Variants in HEMK1 observed in about 807,000 individuals in gnomAD.
HEMK1 encodes the protein MTRF1L release factor glutamine methyltransferase.
HEMK1 carries 36 observed loss-of-function variants against 47.9 expected under a neutral mutation model. That is an observed-to-expected ratio of 0.75 (90% CI 0.58 to 0.99). The LOEUF (loss-of-function observed/expected upper bound fraction) is 0.99, where lower values mean the gene tolerates loss of function less well. Ranked by LOEUF, HEMK1 falls within the 50% of genes least tolerant of loss-of-function variation. HEMK1 has a pLI of 0.00. For missense variants in HEMK1, 383 were observed against 434.5 expected, an observed-to-expected ratio of 0.88 and a Z score of 1.05; for synonymous variants, 153 against 165.4, an observed-to-expected ratio of 0.93 and a Z score of 0.57.
At chr3:50,576,564 C>T (rs1441160080) in intron 4 of HEMK1, among the ~76,000 whole-genome samples, 1 of 152,206 alleles carries the variant, frequency 6.6e-6, no homozygotes, top group African/African-American at 2.4e-5. Context: ...CCACCATGCC[C>T]ATGCCTGGCA....
Position 50,591,382 on chromosome 3 carries a change from C to A in HEMK1, c.*10965C>A, listed in dbSNP as rs2031713462. On this transcript the variant is annotated 3_prime_UTR_variant, in exon 11 of 11. Transcript: ENST00000232854. Reference sequence around the variant, plus strand: ...CAGGCCCCTCATGAGTAGCTGGGTCCTTACGATTTTTCTGGTCAGCAGTGG... The same window carrying A: ...CAGGCCCCTCATGAGTAGCTGGGTCATTACGATTTTTCTGGTCAGCAGTGG... The A allele has an allele frequency of 6.6e-6, 1 of 152,346 alleles. No homozygotes were observed. Among genetic ancestry groups the A allele is most frequent in the South Asian group, 2.1e-4 (1 of 4,840 alleles). The allele number at this position is 152,346 out of a possible 1,614,324, so 9.4% of individuals were successfully genotyped here.
Position 50,588,335 on chromosome 3 carries a change from A to T in HEMK1, c.*7918A>T, listed in dbSNP as rs2031516012. On this transcript the variant is annotated 3_prime_UTR_variant, in exon 11 of 11. Transcript: ENST00000232854. ...TGAGGCTTAACATGCCCAAGGTCAC[A>T]CAGCCAGCAGCTGGCCATGCTGGAG... 1 of 152,226 alleles carries T rather than the reference A, an allele frequency of 6.6e-6. No homozygotes were observed. The highest frequency in any genetic ancestry group is 6.5e-5 in the Admixed American group (1 of 15,282). 9.4% of individuals were successfully genotyped at this position (152,226 alleles called of 1,614,324 possible).
At position 50,588,461 on chromosome 3, in the gene HEMK1, G is replaced by GC. The variant is rs2031526343; in HGVS notation, c.*8046dup. The GC allele has an allele frequency of 6.6e-6, 1 of 152,278 alleles. No homozygotes were observed. The highest frequency in any genetic ancestry group is 6.5e-5 in the Admixed American group (1 of 15,280). 9.4% of individuals were successfully genotyped at this position (152,278 alleles called of 1,614,324 possible). On this transcript the variant is annotated 3_prime_UTR_variant, in exon 11 of 11. Coordinates refer to ENST00000232854, the MANE Select transcript of HEMK1 (RefSeq NM_016173.5). ...TCAACCCCCCAGAGGGGCCTCAGGA[G>GC]CCAGTTAGGTGCCCCACAGCCAACG...
Position 50,595,426 on chromosome 3 carries a change from GGT to G in HEMK1, c.*15011_*15012del, listed in dbSNP as rs1309581760. On this transcript the variant is annotated 3_prime_UTR_variant, in exon 11 of 11. Transcript: ENST00000232854. ...CTGCATATGCATTGGGTTGCACTAC[GGT>G]GGAGAAACTGCATGCTGAATTTAGG... is the stretch of plus-strand genomic sequence containing the variant. The G allele has an allele frequency of 9.2e-5, 14 of 152,180 alleles. No individual in the cohort carries two copies. Among genetic ancestry groups the G allele is most frequent in the African/African-American group, 3.4e-4 (14 of 41,436 alleles). The allele number at this position is 152,180 out of a possible 1,614,324, so 9.4% of individuals were successfully genotyped here. A position where few individuals can be genotyped will look rare whatever the true frequency, so the allele number is the denominator to read the frequency against.
intron 4 of HEMK1, 84 bp from the exon 5 acceptor site, chr3:50,576,967 CA>C: frequency 6.5e-7 from 1 of 1,527,194 alleles, no homozygotes. Context: ...CCTACGTTCA[CA>C]AGGGTAACTG....
Position 50,571,343 on chromosome 3 carries a change from G to C in HEMK1, c.228+11G>C. ...CTTGGAGCCAAAACAGTTAAGTTTA[G>C]TGTTGTCAAGAGGACAGGAAGAGGG... On this transcript the variant is annotated intron_variant, in intron 2 of 10. Coordinates refer to ENST00000232854, the MANE Select transcript of HEMK1 (RefSeq NM_016173.5). 6.4e-7 allele frequency: 1 copy of C among 1,560,090 alleles called. No individual in the cohort carries two copies. Among genetic ancestry groups the C allele is most frequent in the Non-Finnish European group, 8.7e-7 (1 of 1,148,294 alleles).
At position 50,572,204 on chromosome 3, in the gene HEMK1, CAG is replaced by C. The variant is rs772364252; in HGVS notation, c.413_414del (p.Glu138GlyfsTer4). The C allele has an allele frequency of 1.9e-6, 3 of 1,610,624 alleles. No individual in the cohort carries two copies. Among genetic ancestry groups the C allele is most frequent in the South Asian group, 1.1e-5 (1 of 90,852 alleles). On this transcript the variant is annotated frameshift_variant and splice_region_variant, in exon 4 of 11. Coordinates refer to ENST00000232854, the MANE Select transcript of HEMK1 (RefSeq NM_016173.5). LOFTEE classifies it high-confidence loss of function. ...CCAGTGTTTATTCCTCGGCCAGAAA[CAG>C]AGGTAGGTGTGCCACCAGGGCAAGG... is the stretch of plus-strand genomic sequence containing the variant.
At chr3:50,576,929 G>C (rs1243199267) in intron 4 of HEMK1, 123 bp from the exon 5 acceptor site, 1 of 1,178,714 alleles carries the variant, frequency 8.5e-7, no homozygotes, top group East Asian at 2.4e-5. Context: ...TGACATGAAG[G>C]TCAGTCTGGC....
Position 50,587,841 on chromosome 3 carries a change from A to G in HEMK1, c.*7424A>G, listed in dbSNP as rs2031488256. 1 of 152,570 alleles carries G rather than the reference A, an allele frequency of 6.6e-6. No homozygotes were observed. The highest frequency in any genetic ancestry group is 2.4e-5 in the African/African-American group (1 of 41,444). 9.5% of individuals were successfully genotyped at this position (152,570 alleles called of 1,614,324 possible). On this transcript the variant is annotated 3_prime_UTR_variant, in exon 11 of 11. Coordinates refer to ENST00000232854, the MANE Select transcript of HEMK1 (RefSeq NM_016173.5). The surrounding 1 kb of genome is among the most constrained non-coding windows in gnomAD (Gnocchi z 4.2). ...AAAGGGGCTGGGGCAGGAGGCTGCA[A>G]CTTGTCCAGGGTCTGGAGGTGGCTG...
At position 50,583,712 on chromosome 3, in the gene HEMK1, G is replaced by A. The variant is rs1418163142; in HGVS notation, c.*3295G>A. ...TCAGCCTTTGTGCAGTACTCTCGAT[G>A]CCCTGAACACACACCTTCCCTTTGC... On this transcript the variant is annotated 3_prime_UTR_variant, in exon 11 of 11. Transcript: ENST00000232854. The A allele has an allele frequency of 6.6e-6, 1 of 152,122 alleles. No individual in the cohort carries two copies. The highest frequency in any genetic ancestry group is 1.5e-5 in the Non-Finnish European group (1 of 68,040). The allele number at this position is 152,122 out of a possible 1,614,324, so 9.4% of individuals were successfully genotyped here.
In HEMK1 at chr3:50,588,891, C is replaced by G. The variant is rs1575971113; in HGVS notation, c.*8474C>G. ...CAATAACTGACCATTGCTCACTACT[C>G]TCTTGGCCCGCACTGAAAGCCACTG... On this transcript the variant is annotated 3_prime_UTR_variant, in exon 11 of 11. Transcript: ENST00000232854. 1 of 152,254 alleles carries G rather than the reference C, an allele frequency of 6.6e-6. No individual in the cohort carries two copies. The highest frequency in any genetic ancestry group is 1.5e-5 in the Non-Finnish European group (1 of 68,048). 9.4% of individuals were successfully genotyped at this position (152,254 alleles called of 1,614,324 possible).
intron 4 of HEMK1, among the ~76,000 whole-genome samples, chr3:50,574,562 G>A (rs557533377): frequency 6.6e-6 from 1 of 152,272 alleles, no homozygotes; most frequent in East Asian, 1.9e-4. Flanking sequence ...GCCAGAGTAG[G>A]TCTGTCTATG....
rs1385418444 is a variant in HEMK1 at position 50,578,895 on chromosome 3, GACAT to G, written c.740_743del (p.Asp247GlyfsTer38). 1 of 1,613,040 alleles carries G rather than the reference GACAT, an allele frequency of 6.2e-7. No homozygotes were observed. Among genetic ancestry groups the G allele is most frequent in the Non-Finnish European group, 8.5e-7 (1 of 1,179,546 alleles). On this transcript the variant is annotated frameshift_variant, in exon 8 of 11. Transcript: ENST00000232854. LOFTEE classifies it high-confidence loss of function. ...CAACCCTCCCTACGTCTTCCACCAG[GACAT>G]GGAGCAGCTGGCCCCTGAGATCCGC...
rs189515540 is a variant in HEMK1 at position 50,574,478 on chromosome 3, T to C, written c.414+2270T>C. Among the ~76,000 whole-genome samples, 14 of 152,296 alleles carry C rather than the reference T, an allele frequency of 9.2e-5. No homozygotes were observed. In the East Asian group the frequency reaches 2.7e-3, roughly 29 times the overall value. ...CCAAGGTGGCCATCCACATACGTGG[T>C]GTGTGTCTTTGAGGTCTTTGAGTAT... On this transcript the variant is annotated intron_variant, in intron 4 of 10. Coordinates refer to ENST00000232854, the MANE Select transcript of HEMK1 (RefSeq NM_016173.5).
Position 50,571,003 on chromosome 3 carries a change from C to T in HEMK1, c.-102C>T. On this transcript the variant is annotated 5_prime_UTR_variant, in exon 2 of 11. Coordinates refer to ENST00000232854, the MANE Select transcript of HEMK1 (RefSeq NM_016173.5). ...GAGCTTGTGACCTCTCCATCTCCAC[C>T]CAGCTGGGTCCAGGGGCCACTCTCA... is the stretch of plus-strand genomic sequence containing the variant. 1.2e-6 allele frequency: 1 copy of T among 842,030 alleles called. No individual in the cohort carries two copies. The highest frequency in any genetic ancestry group is 1.9e-5 in the South Asian group (1 of 53,310). 52.2% of individuals were successfully genotyped at this position (842,030 alleles called of 1,614,324 possible). A position where few individuals can be genotyped will look rare whatever the true frequency, so the allele number is the denominator to read the frequency against.
chr3:50,579,875 G>A lies in HEMK1; in HGVS notation c.802G>A (p.Glu268Lys). 2 of 1,614,034 alleles carry A rather than the reference G, an allele frequency of 1.2e-6. No individual in the cohort carries two copies. The highest frequency in any genetic ancestry group is 1.7e-6 in the Non-Finnish European group (2 of 1,179,936). ...YEDPAALDGG[E>K]EGMDIITHIL... ...AGACCCCGCGGCCCTGGATGGTGGGGAGGAGGGCATGGACATCATTACCCA... is the reference window on the plus strand; with the variant it reads ...AGACCCCGCGGCCCTGGATGGTGGGAAGGAGGGCATGGACATCATTACCCA... The change falls in exon 9 of 11, where the codon GAG (glutamate) becomes AAG (lysine). Residue 268 changes from glutamate to lysine, a missense_variant. Physicochemically the swap from Glu to Lys is moderately conservative, Grantham distance 56 (BLOSUM62 1). Coordinates refer to ENST00000232854, the MANE Select transcript of HEMK1 (RefSeq NM_016173.5).
intron 4 of HEMK1, among the ~76,000 whole-genome samples, chr3:50,576,768 G>T (rs958311674): frequency 1.3e-5 from 2 of 152,208 alleles, no homozygotes; most frequent in Non-Finnish European, 2.9e-5. Context: ...CTTAGCTGGG[G>T]TTGATTGAAC....
At position 50,591,012 on chromosome 3, in the gene HEMK1, C is replaced by T. The variant is rs1368896788; in HGVS notation, c.*10595C>T. 1 of 152,258 alleles carries T rather than the reference C, an allele frequency of 6.6e-6. No individual in the cohort carries two copies. The highest frequency in any genetic ancestry group is 1.5e-5 in the Non-Finnish European group (1 of 68,094). 9.4% of individuals were successfully genotyped at this position (152,258 alleles called of 1,614,324 possible). ...ACCCCTCCTTTCTGTCTTCCTTCCG[C>T]TTAGTCACAGCCAAGAGCTCAGTAC... On this transcript the variant is annotated 3_prime_UTR_variant, in exon 11 of 11. Coordinates refer to ENST00000232854, the MANE Select transcript of HEMK1 (RefSeq NM_016173.5).
At chr3:50,573,032 C>T (rs1281290734) in intron 4 of HEMK1, among the ~76,000 whole-genome samples, 1 of 152,222 alleles carries the variant, frequency 6.6e-6, no homozygotes, top group East Asian at 1.9e-4. Context: ...CCTGCTGTGG[C>T]CAGGGGGCCC....
Sources: allele counts gnomAD v4.1 joint callset (sites outside exome capture counted in the v4.1 genomes callset), GRCh38; gene constraint gnomAD v4.1.1; non-coding constraint Gnocchi (gnomAD v3.1); transcripts MANE v1.5; gene names NCBI Gene and HGNC (gene_info 2026-07-23, HGNC 2026-07-21).